NREP: variants seen among roughly 807,000 people sequenced by gnomAD.
The protein encoded by NREP is neuronal regeneration related protein, also known as neuronal regeneration-related protein.
Under a neutral mutation model 8.6 loss-of-function variants are expected in NREP, and 5 were observed. The ratio of observed to expected loss-of-function variants is 0.58; its 90% CI spans 0.30 to 1.22. The LOEUF (loss-of-function observed/expected upper bound fraction) is 1.22, where lower values mean the gene tolerates loss of function less well. Ranked by LOEUF, NREP falls within the 50% of genes most tolerant of loss-of-function variation. The pLI, the probability that NREP is intolerant of heterozygous loss-of-function variation, is 0.07. For missense variants in NREP, 86 were observed against 82.5 expected, an observed-to-expected ratio of 1.04 and a Z score of -0.17; for synonymous variants, 27 against 28.0, an observed-to-expected ratio of 0.96 and a Z score of 0.11.
chr5:111,807,671 C>A (rs568075699), intron 2 of NREP, among the ~76,000 whole-genome samples: 180 of 151,924 alleles, frequency 1.2e-3, no homozygotes, highest in African/African-American at 3.9e-3. Flanking sequence ...GAAAAAAAAA[C>A]CAGATTTCAG....
At chr5:111,769,152 A>G (rs933140878) in intron 2 of NREP, among the ~76,000 whole-genome samples, 1 of 152,164 alleles carries the variant, frequency 6.6e-6, no homozygotes, top group African/African-American at 2.4e-5. Flanking sequence ...CATCAGTTTA[A>G]GCATTACCTT....
intron 2 of NREP, among the ~76,000 whole-genome samples, chr5:111,927,324 G>A (rs1346711102): frequency 6.6e-6 from 1 of 152,098 alleles, no homozygotes; most frequent in East Asian, 1.9e-4. Flanking sequence ...GACTCAAAAT[G>A]GGAAAATTTC....
chr5:111,926,935 T>G (rs977626287), intron 2 of NREP, among the ~76,000 whole-genome samples: 1 of 151,438 alleles, frequency 6.6e-6, no homozygotes, highest in South Asian at 2.1e-4. Flanking sequence ...CAGGCAGGAA[T>G]AGTCACGTTC....
chr5:111,797,520 A>AAT (rs1409221638), intron 2 of NREP, among the ~76,000 whole-genome samples: 1 of 152,208 alleles, frequency 6.6e-6, no homozygotes, highest in Non-Finnish European at 1.5e-5. Context: ...TCATCACTTA[A>AAT]ATATATACTT....
chr5:111,889,313 A>G (rs920447924), intron 2 of NREP, among the ~76,000 whole-genome samples: 2 of 152,144 alleles, frequency 1.3e-5, no homozygotes, highest in South Asian at 2.1e-4. Context: ...ACACAATCAG[A>G]TCTCATGATA....
At chr5:111,872,171 G>T (rs1433768750) in intron 2 of NREP, among the ~76,000 whole-genome samples, 1 of 152,072 alleles carries the variant, frequency 6.6e-6, no homozygotes, top group African/African-American at 2.4e-5. Flanking sequence ...CCAGCAACCT[G>T]GAGACCCAGA....
intron 2 of NREP, among the ~76,000 whole-genome samples, chr5:111,950,578 G>A (rs922609487): frequency 1.6e-5 from 2 of 123,342 alleles, no homozygotes; most frequent in African/African-American, 3.9e-5. Context: ...GCTTCTGCAC[G>A]CAAAAGAAAC....
At chr5:111,942,890 G>A (rs569707749) in intron 2 of NREP, among the ~76,000 whole-genome samples, 36 of 152,160 alleles carry the variant, frequency 2.4e-4, no homozygotes, top group Non-Finnish European at 4.3e-4. Flanking sequence ...ACTGTAAAAT[G>A]TGACTAAGTC....
chr5:111,766,768 C>T (rs1207015723), intron 2 of NREP, among the ~76,000 whole-genome samples: 1 of 152,178 alleles, frequency 6.6e-6, no homozygotes, highest in Admixed American at 6.6e-5. Flanking sequence ...GCTGGGTTTC[C>T]TTCTGGTTCT....
intron 2 of NREP, among the ~76,000 whole-genome samples, chr5:111,915,680 A>T (rs1422180726): frequency 6.6e-6 from 1 of 152,054 alleles, no homozygotes; most frequent in East Asian, 1.9e-4. Context: ...TCCCTCACAC[A>T]TGCACCTACA....
At chr5:111,926,022 A>G (rs931434140) in intron 2 of NREP, among the ~76,000 whole-genome samples, 5 of 152,216 alleles carry the variant, frequency 3.3e-5, no homozygotes, top group Admixed American at 1.3e-4. Context: ...TTGGTTTAAC[A>G]TAACATCTCT....
At chr5:111,957,378 ATAAATAT>A (rs754273475) in intron 2 of NREP, among the ~76,000 whole-genome samples, 46 of 152,058 alleles carry the variant, frequency 3.0e-4, no homozygotes, top group Non-Finnish European at 5.1e-4. Context: ...TGGAGAGTCA[ATAAATAT>A]TAAACAAATT....
chr5:111,958,972 G>A (rs1756406226), intron 2 of NREP, among the ~76,000 whole-genome samples: 1 of 151,758 alleles, frequency 6.6e-6, no homozygotes, highest in African/African-American at 2.4e-5. Flanking sequence ...ACAAATCCCT[G>A]GGGAAGGACA....
At chr5:111,783,038 C>T (rs961977004) in intron 2 of NREP, among the ~76,000 whole-genome samples, 10 of 152,044 alleles carry the variant, frequency 6.6e-5, no homozygotes, top group South Asian at 2.1e-4. Context: ...TGGCCCCACA[C>T]GACATTTTTT....
intron 2 of NREP, among the ~76,000 whole-genome samples, chr5:111,784,311 C>G (rs1203811590): frequency 6.7e-6 from 1 of 149,042 alleles, no homozygotes; most frequent in Non-Finnish European, 1.5e-5. Context: ...TGTGTAGATG[C>G]AAGGAAAGCT....
intron 2 of NREP, among the ~76,000 whole-genome samples, chr5:111,963,087 C>T (rs1756524716): frequency 3.3e-5 from 5 of 152,220 alleles, no homozygotes; most frequent in Admixed American, 2.6e-4. Context: ...GGCAAGGGGC[C>T]CACTGAGTGG....
At chr5:111,963,697 T>C (rs1430520469) in intron 2 of NREP, among the ~76,000 whole-genome samples, 1 of 152,188 alleles carries the variant, frequency 6.6e-6, no homozygotes, top group African/African-American at 2.4e-5. Flanking sequence ...AAAGACAGAA[T>C]GAATTGATAA....
intron 2 of NREP, among the ~76,000 whole-genome samples, chr5:111,805,985 AT>A (rs1752132097): frequency 6.6e-6 from 1 of 152,226 alleles, no homozygotes; most frequent in Non-Finnish European, 1.5e-5. Context: ...CACAGTGTAC[AT>A]GTATGTCAGA....
chr5:111,755,824 G>A lies in NREP; in HGVS notation c.-52C>T. ...ATTCTCCCTCTCTTCAGTCCAGGGA[G>A]ACCAACCTGCAAAATATGTTTAAAT... On this transcript the variant is annotated 5_prime_UTR_variant, in exon 2 of 4. Transcript: ENST00000257435. The A allele has an allele frequency of 1.9e-6, 3 of 1,613,654 alleles. No homozygotes were observed. The highest frequency in any genetic ancestry group is 2.7e-5 in the African/African-American group (2 of 75,018).
Sources: allele counts gnomAD v4.1 joint callset (sites outside exome capture counted in the v4.1 genomes callset), GRCh38; gene constraint gnomAD v4.1.1; transcripts MANE v1.5; gene names NCBI Gene and HGNC (gene_info 2026-07-23, HGNC 2026-07-21).